The following UBE2H variants were observed in gnomAD, a reference collection of about 807,000 sequenced individuals.
The protein encoded by UBE2H is ubiquitin-conjugating enzyme E2 H.
In UBE2H, 3 loss-of-function variants were observed where a neutral mutation model predicts 29.0. That is an observed-to-expected ratio of 0.10 (90% CI 0.05 to 0.27). UBE2H has a LOEUF of 0.27. Ranked by LOEUF, UBE2H falls within the 10% of genes least tolerant of loss-of-function variation. The pLI is 1.00. For missense variants in UBE2H, 68 were observed against 228.2 expected (o/e 0.30, Z 4.52); for synonymous variants, 69 against 82.9 (o/e 0.83, Z 0.91).
At chr7:129,948,545 G>A (rs1807809340) in intron 1 of UBE2H, among the ~76,000 whole-genome samples, 1 of 152,160 alleles carries the variant, frequency 6.6e-6, no homozygotes, top group African/African-American at 2.4e-5. Context: ...AGGTGCACTG[G>A]GCTCACACCT....
intron 1 of UBE2H, among the ~76,000 whole-genome samples, chr7:129,906,160 A>G (rs1331024305): frequency 6.6e-6 from 1 of 152,140 alleles, no homozygotes; most frequent in Non-Finnish European, 1.5e-5. Context: ...ACTAACTACC[A>G]AGAGATAAGG....
intron 1 of UBE2H, among the ~76,000 whole-genome samples, chr7:129,931,439 T>A (rs1379753714): frequency 6.6e-6 from 1 of 152,116 alleles, no homozygotes; most frequent in East Asian, 1.9e-4. Flanking sequence ...CTATGTGTGT[T>A]ATTTACCATT....
chr7:129,948,187 G>C (rs972996688), intron 1 of UBE2H, among the ~76,000 whole-genome samples: 8 of 149,134 alleles, frequency 5.4e-5, no homozygotes, highest in Non-Finnish European at 8.9e-5. Context: ...AGAGAGTCTT[G>C]CTCTGTTGCC....
intron 1 of UBE2H, among the ~76,000 whole-genome samples, chr7:129,904,000 A>G (rs1806768196): frequency 1.3e-5 from 2 of 152,236 alleles, no homozygotes; most frequent in African/African-American, 4.8e-5. Context: ...TAGAATCCCA[A>G]TTTATAACAG....
At chr7:129,925,131 C>T (rs1307270109) in intron 1 of UBE2H, among the ~76,000 whole-genome samples, 2 of 151,904 alleles carry the variant, frequency 1.3e-5, no homozygotes, top group African/African-American at 4.8e-5. Context: ...GGGTGGATCA[C>T]GAGGTCAGGA....
At chr7:129,900,067 C>A (rs1806678478) in intron 1 of UBE2H, among the ~76,000 whole-genome samples, 1 of 151,522 alleles carries the variant, frequency 6.6e-6, no homozygotes, top group Non-Finnish European at 1.5e-5. Context: ...GAAGTGGAGA[C>A]TGCAGTGACC....
Position 129,864,474 on chromosome 7 carries a change from A to G in UBE2H, c.206-5533T>C, listed in dbSNP as rs547245347. On this transcript the variant is annotated intron_variant, in intron 3 of 6. Transcript: ENST00000355621. Reference sequence around the variant, plus strand: ...TTTTGAAAACTGCTTTTATGGCAACATAAGTAGAAGTAGCAGGTTATTTTT... The same window carrying G: ...TTTTGAAAACTGCTTTTATGGCAACGTAAGTAGAAGTAGCAGGTTATTTTT... 3.3e-5 allele frequency among the ~76,000 whole-genome samples: 5 copies of G among 152,310 alleles called. No homozygotes were observed. In the South Asian group the frequency reaches 1.0e-3, roughly 32 times the overall value.
At chr7:129,852,720 CTTT>C (rs1045736022) in intron 5 of UBE2H, among the ~76,000 whole-genome samples, 2 of 148,870 alleles carry the variant, frequency 1.3e-5, no homozygotes, top group Non-Finnish European at 3.0e-5. Context: ...TTCTCCACAA[CTTT>C]TTTTTTTGTT....
At chr7:129,885,583 A>G (rs1356858053) in intron 1 of UBE2H, among the ~76,000 whole-genome samples, 1 of 152,220 alleles carries the variant, frequency 6.6e-6, no homozygotes, top group Non-Finnish European at 1.5e-5. Flanking sequence ...CATGATCCCC[A>G]GTAATAGCCC....
intron 1 of UBE2H, among the ~76,000 whole-genome samples, chr7:129,947,563 T>A (rs1807790340): frequency 6.6e-6 from 1 of 152,210 alleles, no homozygotes; most frequent in Non-Finnish European, 1.5e-5. Flanking sequence ...GACAAATGGC[T>A]ACATATTTTA....
At chr7:129,864,731 T>G (rs1332043514) in intron 3 of UBE2H, among the ~76,000 whole-genome samples, 1 of 151,956 alleles carries the variant, frequency 6.6e-6, no homozygotes, top group Non-Finnish European at 1.5e-5. Context: ...TTTTTGTATT[T>G]TTAGTAGAGA....
chr7:129,887,883 C>CA (rs887162375), intron 1 of UBE2H, among the ~76,000 whole-genome samples: 52 of 151,960 alleles, frequency 3.4e-4, no homozygotes, highest in African/African-American at 1.3e-3. Flanking sequence ...AACTCCGTCT[C>CA]AAAAAACAAA....
At chr7:129,837,585 G>A (rs1368632330) in intron 6 of UBE2H, among the ~76,000 whole-genome samples, 1 of 151,786 alleles carries the variant, frequency 6.6e-6, no homozygotes, top group Non-Finnish European at 1.5e-5. Flanking sequence ...ACCTCTGATG[G>A]GGTGGAGGAG....
intron 3 of UBE2H, among the ~76,000 whole-genome samples, chr7:129,871,416 A>G (rs1380174455): frequency 1.3e-5 from 2 of 152,216 alleles, no homozygotes; most frequent in Non-Finnish European, 2.9e-5. Context: ...ACTGGAATTC[A>G]AAAGATACTT....
At chr7:129,946,606 G>C (rs1224583423) in intron 1 of UBE2H, among the ~76,000 whole-genome samples, 2 of 152,106 alleles carry the variant, frequency 1.3e-5, no homozygotes, top group Admixed American at 1.3e-4. Flanking sequence ...CTCCAGGAGT[G>C]GTATGCAGTA....
At chr7:129,886,497 C>T (rs566333537) in intron 1 of UBE2H, among the ~76,000 whole-genome samples, 10 of 152,218 alleles carry the variant, frequency 6.6e-5, no homozygotes, top group Admixed American at 2.6e-4. Context: ...TAAGGACTGA[C>T]AATAACAGGT....
chr7:129,895,597 T>C (rs779429034), intron 1 of UBE2H, among the ~76,000 whole-genome samples: 1 of 151,988 alleles, frequency 6.6e-6, no homozygotes, highest in Admixed American at 6.6e-5. Context: ...CCCCAAAATA[T>C]CTATTTAAAA....
Position 129,883,889 on chromosome 7 carries a change from A to C in UBE2H, c.54-2918T>G, listed in dbSNP as rs985482180. Among the ~76,000 whole-genome samples the C allele has an allele frequency of 1.3e-4, 20 of 152,236 alleles. No individual in the cohort carries two copies. The South Asian group carries it at 1.9e-3, about 14-fold the overall frequency. On this transcript the variant is annotated intron_variant, in intron 1 of 6. Coordinates refer to ENST00000355621, the MANE Select transcript of UBE2H (RefSeq NM_003344.4). ...GAAAAAAGAATGAATTGATACACAT[A>C]ATGTATGGGTTTTACAGATTTCATC...
chr7:129,842,100 T>C (rs1805439124), intron 5 of UBE2H, among the ~76,000 whole-genome samples: 1 of 152,250 alleles, frequency 6.6e-6, no homozygotes, highest in South Asian at 2.1e-4. Context: ...GCAATAGATG[T>C]GTAACTTCTA....
Sources: gnomAD v4.1 joint callset for allele counts (sites outside exome capture counted in the v4.1 genomes callset) on GRCh38, gnomAD v4.1.1 for gene constraint, MANE v1.5 for transcripts, NCBI Gene and HGNC (gene_info 2026-07-23, HGNC 2026-07-21) for gene names.